Variants in ACER1 observed in about 807,000 individuals in gnomAD.
ACER1 encodes CTB-180A7.3.
Under a neutral mutation model 24.9 loss-of-function variants are expected in ACER1, and 28 were observed. That is an observed-to-expected ratio of 1.13 (90% CI 0.83 to 1.54). The LOEUF (loss-of-function observed/expected upper bound fraction) is 1.54. Ranked by LOEUF, ACER1 falls within the 40% of genes most tolerant of loss-of-function variation. The pLI is 0.00. For missense variants in ACER1, 352 were observed against 349.3 expected (o/e 1.01, Z -0.06); for synonymous variants, 132 against 131.4 (o/e 1.00, Z -0.03).
chr19:6,345,326 A>G, the ACER1 span, among the ~76,000 whole-genome samples: 9,304 of 152,238 alleles, frequency 0.061, 498 homozygotes, highest in African/African-American at 0.15. Flanking sequence ...TTTGTCACCC[A>G]GGACCAGTTT....
In ACER1 at chr19:6,316,968, C is replaced by CTTT. The variant is rs71174911; in HGVS notation, c.94-4472_94-4470dup. Among the ~76,000 whole-genome samples the CTTT allele has an allele frequency of 1.3e-3, 152 of 117,216 alleles. 5 individuals carry two copies. Among genetic ancestry groups the CTTT allele is most frequent in the East Asian group, 8.7e-3 (32 of 3,698 alleles). The allele number at this position is 117,216 out of a possible 152,430, so 76.9% of individuals were successfully genotyped here. On this transcript the variant is annotated intron_variant, in intron 1 of 5. Transcript: ENST00000301452. ...GAAACAAGTCTCTTTCCCTCCCCAT[C>CTTT]TTTTTTTTTTTTTTTTTTTTTCTGA...
chr19:6,320,988 TG>T (rs2091627702), intron 1 of ACER1, among the ~76,000 whole-genome samples: 1 of 151,666 alleles, frequency 6.6e-6, no homozygotes, highest in Admixed American at 6.6e-5. Flanking sequence ...AGCTGTGGGT[TG>T]TTTTTTTTTT....
chr19:6,354,787 A>ACTCCCT, the ACER1 span, among the ~76,000 whole-genome samples: 3,871 of 149,964 alleles, frequency 0.026, 142 homozygotes, highest in African/African-American at 0.091. Context: ...GAGAAGTGTC[A>ACTCCCT]CTCCCTCTCC....
chr19:6,326,157 G>A (rs1430067510), intron 1 of ACER1, among the ~76,000 whole-genome samples: 2 of 134,182 alleles, frequency 1.5e-5, no homozygotes, highest in Non-Finnish European at 1.5e-5. Context: ...ACGGAGTCTC[G>A]CTCTGTAGCC....
the ACER1 span, among the ~76,000 whole-genome samples, chr19:6,359,231 C>CA: frequency 6.6e-6 from 1 of 150,696 alleles, no homozygotes; most frequent in South Asian, 2.1e-4. Flanking sequence ...GACACTGACT[C>CA]AAAACAAAAA....
At chr19:6,347,109 A>AAAAAAAAAAATATATATAT in the ACER1 span, among the ~76,000 whole-genome samples, 4 of 113,772 alleles carry the variant, frequency 3.5e-5, no homozygotes, top group African/African-American at 2.0e-4. Context: ...AAAAAAAAAA[A>AAAAAAAAAAATATATATAT]ATATATATAT....
chr19:6,347,109 A>AAAAAAATATATATATATATAT, the ACER1 span, among the ~76,000 whole-genome samples: 16 of 113,764 alleles, frequency 1.4e-4, no homozygotes, highest in African/African-American at 7.6e-4. Context: ...AAAAAAAAAA[A>AAAAAAATATATATATATATAT]ATATATATAT....
intron 1 of ACER1, among the ~76,000 whole-genome samples, chr19:6,328,972 G>A (rs2091674901): frequency 6.6e-6 from 1 of 151,808 alleles, no homozygotes; most frequent in South Asian, 2.1e-4. Flanking sequence ...ACTGTGCCCA[G>A]CACCCATCTG....
At chr19:6,352,034 C>T in the ACER1 span, among the ~76,000 whole-genome samples, 344 of 144,628 alleles carry the variant, frequency 2.4e-3, 2 homozygotes, top group African/African-American at 8.4e-3. Context: ...CCAGCCTGGG[C>T]GACAGGGCAA....
the ACER1 span, among the ~76,000 whole-genome samples, chr19:6,356,099 G>T: frequency 6.6e-6 from 1 of 151,336 alleles, no homozygotes; most frequent in Non-Finnish European, 1.5e-5. Context: ...AGGTAGACAC[G>T]GGAGACTTTT....
the ACER1 span, among the ~76,000 whole-genome samples, chr19:6,351,608 A>T: frequency 6.6e-6 from 1 of 150,712 alleles, no homozygotes; most frequent in Non-Finnish European, 1.5e-5. Context: ...TTGTATGCAC[A>T]TGTGGTCCCA....
intron 4 of ACER1, among the ~76,000 whole-genome samples, chr19:6,308,389 C>G (rs1339377625): frequency 1.4e-5 from 2 of 143,828 alleles, no homozygotes; most frequent in Admixed American, 7.3e-5. Context: ...GAGCCGGGAT[C>G]GCACCATTGC....
rs987210163 is a variant in ACER1 at position 6,326,048 on chromosome 19, G to A, written c.93+7411C>T. ...TAGCTCACTGCAGCCTTGAACTCCT[G>A]GGCTCAAGCGATTCTTCTGCCTCAG... On this transcript the variant is annotated intron_variant, in intron 1 of 5. Coordinates refer to ENST00000301452, the MANE Select transcript of ACER1 (RefSeq NM_133492.3). 4.0e-5 allele frequency among the ~76,000 whole-genome samples: 6 copies of A among 151,782 alleles called. No individual in the cohort carries two copies. In the South Asian group the frequency reaches 1.2e-3, roughly 32 times the overall value.
At chr19:6,331,115 G>A (rs1356398399) in intron 1 of ACER1, among the ~76,000 whole-genome samples, 5 of 147,586 alleles carry the variant, frequency 3.4e-5, no homozygotes, top group Admixed American at 3.3e-4. Context: ...GGTGTTTCAC[G>A]TAAAATGTTT....
At chr19:6,337,321 C>T (rs1436112406), upstream of ACER1, among the ~76,000 whole-genome samples, 2 of 152,046 alleles carry the variant, frequency 1.3e-5, no homozygotes, top group African/African-American at 2.4e-5. Context: ...AAGAAAAGCC[C>T]TTCATTAGGC....
At chr19:6,329,493 G>A (rs1304060628) in intron 1 of ACER1, among the ~76,000 whole-genome samples, 1 of 152,124 alleles carries the variant, frequency 6.6e-6, no homozygotes, top group Non-Finnish European at 1.5e-5. Context: ...TGGAAAGGCA[G>A]GTACAGGATG....
intron 1 of ACER1, 86 bp from the exon 2 acceptor site, chr19:6,312,585 C>A: frequency 9.6e-7 from 1 of 1,041,176 alleles, no homozygotes; most frequent in South Asian, 1.3e-5. Context: ...CAGTCACCAG[C>A]CAGTCGGTTA....
chr19:6,326,966 C>T (rs1456571727), intron 1 of ACER1, among the ~76,000 whole-genome samples: 1 of 152,198 alleles, frequency 6.6e-6, no homozygotes, highest in African/African-American at 2.4e-5. Flanking sequence ...TCTTTCCCTG[C>T]TCTCCTGCTA....
At chr19:6,310,512 G>A (rs1014374579) in intron 3 of ACER1, among the ~76,000 whole-genome samples, 7 of 152,020 alleles carry the variant, frequency 4.6e-5, no homozygotes, top group Non-Finnish European at 1.0e-4. Flanking sequence ...AGAGGTTTCA[G>A]TGGGCCAAGA....
Sources: allele counts gnomAD v4.1 joint callset (sites outside exome capture counted in the v4.1 genomes callset), GRCh38; gene constraint gnomAD v4.1.1; transcripts MANE v1.5; gene names NCBI Gene and HGNC (gene_info 2026-07-23, HGNC 2026-07-21).